PC: variants seen among roughly 807,000 people sequenced by gnomAD.
The protein encoded by PC is pyruvate carboxylase.
Under a neutral mutation model 107.8 loss-of-function variants are expected in PC, and 46 were observed. That is an observed-to-expected ratio of 0.43 (90% CI 0.34 to 0.55). PC has a LOEUF of 0.55. Among genes scored for constraint, PC ranks in the 20% least tolerant of loss-of-function variants. PC has a pLI of 0.04. For synonymous variants in PC, 662 were observed against 684.7 expected, an observed-to-expected ratio of 0.97 and a Z score of 0.52; for missense variants, 1,241 against 1,643.1, an observed-to-expected ratio of 0.76 and a Z score of 4.23.
At chr11:66,862,576 G>A (rs1946317192) in intron 12 of PC, among the ~76,000 whole-genome samples, 1 of 152,190 alleles carries the variant, frequency 6.6e-6, no homozygotes, top group South Asian at 2.1e-4. Flanking sequence ...AGAAGAAGAT[G>A]GGGTGGTAAC....
chr11:66,885,708 C>G (rs1214735814), intron 3 of PC, among the ~76,000 whole-genome samples: 2 of 152,162 alleles, frequency 1.3e-5, no homozygotes, highest in African/African-American at 4.8e-5. Context: ...GGACTGCTGG[C>G]AAACACCAGA....
intron 3 of PC, among the ~76,000 whole-genome samples, chr11:66,915,110 AACAG>A (rs918906748): frequency 1.3e-5 from 2 of 152,106 alleles, no homozygotes; most frequent in African/African-American, 4.8e-5. Flanking sequence ...TCACAAGGCA[AACAG>A]ACAGCTCCAG....
chr11:66,924,077 C>A (rs1279583765), intron 3 of PC, among the ~76,000 whole-genome samples: 1 of 151,394 alleles, frequency 6.6e-6, no homozygotes, highest in Non-Finnish European at 1.5e-5. Context: ...TGGCACACAC[C>A]TGTAATCCCA....
At chr11:66,897,060 T>C (rs1364265576) in intron 3 of PC, among the ~76,000 whole-genome samples, 1 of 151,846 alleles carries the variant, frequency 6.6e-6, no homozygotes, top group Non-Finnish European at 1.5e-5. Context: ...GCCTCCAGAG[T>C]AGCTGGGATT....
intron 11 of PC, 98 bp from the exon 12 acceptor site, chr11:66,864,054 T>A: frequency 1.6e-6 from 2 of 1,223,226 alleles, no homozygotes; most frequent in Non-Finnish European, 2.4e-6. Flanking sequence ...CAGCAGCTGC[T>A]GAGAGCAGAG....
intron 1 of PC, among the ~76,000 whole-genome samples, chr11:66,955,415 T>A (rs1253233585): frequency 6.6e-6 from 1 of 152,120 alleles, no homozygotes; most frequent in Non-Finnish European, 1.5e-5. Context: ...GGACCTACTG[T>A]GGGCTACCAG....
At chr11:66,946,395 C>A (rs1056768069) in intron 3 of PC, among the ~76,000 whole-genome samples, 4 of 152,034 alleles carry the variant, frequency 2.6e-5, no homozygotes, top group African/African-American at 9.7e-5. Flanking sequence ...CTTTGGGAGA[C>A]CAAGGCGGGC....
intron 3 of PC, among the ~76,000 whole-genome samples, chr11:66,903,585 CAA>C (rs748653705): frequency 4.6e-5 from 6 of 131,636 alleles, no homozygotes; most frequent in African/African-American, 1.1e-4. Context: ...ACTAAAAATA[CAA>C]AAAAAAAAAA....
chr11:66,945,418 T>TG (rs35456030), intron 3 of PC, among the ~76,000 whole-genome samples: 51,568 of 69,280 alleles, frequency 0.74, 22,007 homozygotes, highest in South Asian at 0.85. Flanking sequence ...TCAAATGGTT[T>TG]GGGGGGGCGG....
chr11:66,883,163 C>T (rs1444736525), intron 3 of PC, among the ~76,000 whole-genome samples: 3 of 152,014 alleles, frequency 2.0e-5, no homozygotes, highest in East Asian at 1.9e-4. Flanking sequence ...AAGGAGCAGC[C>T]GAGGGGGAAA....
At chr11:66,898,051 C>T (rs1947817879) in intron 3 of PC, among the ~76,000 whole-genome samples, 1 of 152,208 alleles carries the variant, frequency 6.6e-6, no homozygotes, top group South Asian at 2.1e-4. Flanking sequence ...ATGAGAGCAG[C>T]TAGCCTGGTG....
At chr11:66,928,214 A>C (rs1038592371) in intron 3 of PC, among the ~76,000 whole-genome samples, 3 of 151,944 alleles carry the variant, frequency 2.0e-5, no homozygotes, top group African/African-American at 4.8e-5. Flanking sequence ...GTGAAACCCC[A>C]TCTCTCCTAA....
At chr11:66,920,146 G>T (rs187634309) in intron 3 of PC, among the ~76,000 whole-genome samples, 7 of 152,312 alleles carry the variant, frequency 4.6e-5, no homozygotes, top group African/African-American at 1.7e-4. Flanking sequence ...GCCTCTTGCT[G>T]TGGCACAGAG....
chr11:66,958,159 C>G (rs1949620190), intron 1 of PC, among the ~76,000 whole-genome samples, 163 bp downstream of exon 1: 1 of 151,862 alleles, frequency 6.6e-6, no homozygotes. Flanking sequence ...TCGCGCACCG[C>G]GCACAGCCCG....
rs1205808576 is a variant in PC, at chr11:66,858,777, G to A, written c.1368+4997C>T. ...AGAGATTGGGGTGACCGGCGCTGGG[G>A]ACGCTGGGGGCTACACCTGCATCGC... On this transcript the variant is annotated intron_variant, in intron 12 of 22. Coordinates refer to ENST00000393960, the MANE Select transcript of PC (RefSeq NM_001040716.2). This position sits in a 1 kb window ranked among gnomAD's most constrained non-coding sequence, Gnocchi z 5.9. 3.2e-6 allele frequency: 5 copies of A among 1,550,282 alleles called. No individual in the cohort carries two copies. The South Asian group carries it at 3.6e-5, about 11-fold the overall frequency.
intron 2 of PC, among the ~76,000 whole-genome samples, chr11:66,952,951 G>A (rs1276539559): frequency 1.3e-5 from 2 of 152,174 alleles, no homozygotes; most frequent in African/African-American, 4.8e-5. Flanking sequence ...TCTGACAGCC[G>A]CTCTGTAATC....
rs1469333307 is a variant in PC at position 66,851,985 on chromosome 11, C to G, written c.1826-39G>C. 1.9e-6 allele frequency: 3 copies of G among 1,608,782 alleles called. No individual in the cohort carries two copies. The East Asian group carries it at 6.7e-5, about 36-fold the overall frequency. Reference sequence around the variant, plus strand: ...GAGAGGCCCAGATCAGCTCTGCATGCCTGGGGAACTCCACCAGGCCTTGGA... The same window carrying G: ...GAGAGGCCCAGATCAGCTCTGCATGGCTGGGGAACTCCACCAGGCCTTGGA... On this transcript the variant is annotated intron_variant, in intron 15 of 22. Transcript: ENST00000393960.
intron 3 of PC, among the ~76,000 whole-genome samples, chr11:66,941,657 A>G (rs1409957153): frequency 6.6e-6 from 1 of 152,144 alleles, no homozygotes; most frequent in East Asian, 2.0e-4. Context: ...ATGCCCAGCT[A>G]ATTTTTTGTA....
intron 3 of PC, among the ~76,000 whole-genome samples, chr11:66,929,913 A>C (rs1255708815): frequency 6.6e-6 from 1 of 152,194 alleles, no homozygotes; most frequent in Non-Finnish European, 1.5e-5. Flanking sequence ...AGGTAAGTTA[A>C]CACTGAAGCT....
Sources: allele counts gnomAD v4.1 joint callset (sites outside exome capture counted in the v4.1 genomes callset), GRCh38; gene constraint gnomAD v4.1.1; non-coding constraint Gnocchi (gnomAD v3.1); transcripts MANE v1.5; gene names NCBI Gene and HGNC (gene_info 2026-07-23, HGNC 2026-07-21).